RDH5: variants seen among roughly 807,000 people sequenced by gnomAD.
RDH5 encodes 11-cis RDH.
RDH5 carries 25 observed loss-of-function variants against 24.0 expected under a neutral mutation model. The ratio of observed to expected loss-of-function variants is 1.04; its 90% CI spans 0.76 to 1.46. The LOEUF (loss-of-function observed/expected upper bound fraction) is 1.46. RDH5 is among the 40% of genes most tolerant of loss of function. The pLI is 0.00. For missense variants in RDH5, 369 were observed against 410.3 expected, an observed-to-expected ratio of 0.90 and a Z score of 0.87; for synonymous variants, 170 against 175.2, an observed-to-expected ratio of 0.97 and a Z score of 0.23.
In RDH5 at chr12:55,724,664, T is replaced by A. The variant is rs1161669145; in HGVS notation, c.*119T>A. Reference sequence around the variant, plus strand: ...TAAGCACTAACAAAAGTGTATTGTTTAAAAAATAAAAAGAAGGTGGGCAGA... The same window carrying A: ...TAAGCACTAACAAAAGTGTATTGTTAAAAAAATAAAAAGAAGGTGGGCAGA... On this transcript the variant is annotated 3_prime_UTR_variant, in exon 5 of 5. Coordinates refer to ENST00000257895, the MANE Select transcript of RDH5 (RefSeq NM_002905.5). 3 of 979,004 alleles carry A rather than the reference T, an allele frequency of 3.1e-6. No individual in the cohort carries two copies. Among genetic ancestry groups the A allele is most frequent in the African/African-American group, 3.2e-5 (2 of 61,962 alleles). 60.6% of individuals were successfully genotyped at this position (979,004 alleles called of 1,614,324 possible).
rs62638187 is a variant in RDH5 at position 55,721,772 on chromosome 12, G to T, written c.394G>T (p.Val132Leu). ...PWLTRDDFQR[V>L]LNVNTMGPIG... The stretch of plus-strand genomic sequence containing the variant: ...GCTGACCCGGGACGATTTCCAGCGG[G>T]TGCTGAATGTGAACACAATGGGTCC... Residue 132 changes from valine (V) to leucine (L), a missense_variant, in exon 3 of 5, where the codon GTG becomes TTG. Transcript: ENST00000257895. The surrounding 1 kb of genome is among the most constrained non-coding windows in gnomAD (Gnocchi z 4.7). 4.3e-6 allele frequency: 7 copies of T among 1,614,024 alleles called. No individual in the cohort carries two copies. In the South Asian group the frequency reaches 6.6e-5, roughly 15 times the overall value.
rs776373862 is a variant in RDH5, at chr12:55,721,843, G to T, written c.465G>T (p.Arg155=). 1.2e-6 allele frequency: 2 copies of T among 1,614,094 alleles called. No homozygotes were observed. The change falls in exon 3 of 5, where the codon CGG becomes CGT. Residue 155 remains arginine (R), a synonymous_variant. Coordinates refer to ENST00000257895, the MANE Select transcript of RDH5 (RefSeq NM_002905.5). This position sits in a 1 kb window ranked among gnomAD's most constrained non-coding sequence, Gnocchi z 4.7. ...LALLPLLQQA[R]GRVINITSVL... ...TGCTGCCTCTGCTGCAGCAAGCCCG[G>T]GGCCGGGTGATCAACATCACCAGCG...
Position 55,721,529 on chromosome 12 carries a change from G to A in RDH5, c.310+35G>A. The A allele has an allele frequency of 6.2e-7, 1 of 1,600,428 alleles. No homozygotes were observed. Among genetic ancestry groups the A allele is most frequent in the South Asian group, 1.1e-5 (1 of 90,960 alleles). On this transcript the variant is annotated intron_variant, in intron 2 of 4. Coordinates refer to ENST00000257895, the MANE Select transcript of RDH5 (RefSeq NM_002905.5). The surrounding 1 kb of genome is among the most constrained non-coding windows in gnomAD (Gnocchi z 4.7). ...GTAGACCACCAGGAATATGGTGTGG[G>A]GTGTCCTGATCCCCACAGTCACCCC...
chr12:55,723,429 A>AT (rs1310025598), intron 3 of RDH5: 1 of 223,726 alleles, frequency 4.5e-6, no homozygotes, highest in East Asian at 1.2e-4. Flanking sequence ...ACCCTTCAAT[A>AT]TCCAGCACTC....
At position 55,721,669 on chromosome 12, in the gene RDH5, T is replaced by TC; in HGVS notation, c.311-18dup. 6.2e-7 allele frequency: 1 copy of TC among 1,606,916 alleles called. No individual in the cohort carries two copies. Among genetic ancestry groups the TC allele is most frequent in the Non-Finnish European group, 8.5e-7 (1 of 1,179,976 alleles). On this transcript the variant is annotated intron_variant, in intron 2 of 4. Coordinates refer to ENST00000257895, the MANE Select transcript of RDH5 (RefSeq NM_002905.5). The surrounding 1 kb of genome is among the most constrained non-coding windows in gnomAD (Gnocchi z 4.7). ...GGGAGTGCCTCACCTACCCCCAGCA[T>TC]CCTTTTCATCTCCCCACAGGGCTTT...
chr12:55,721,095 T>G lies in RDH5; in HGVS notation c.-32-58T>G. ...CAGATGCTTCCAGCTAGGGAGGGTA[T>G]TAGGGGAAAGGGCTTGAGGGCCACA... is the stretch of plus-strand genomic sequence containing the variant. On this transcript the variant is annotated intron_variant, in intron 1 of 4. Coordinates refer to ENST00000257895, the MANE Select transcript of RDH5 (RefSeq NM_002905.5). The surrounding 1 kb of genome is among the most constrained non-coding windows in gnomAD (Gnocchi z 4.7). 1 of 1,146,600 alleles carries G rather than the reference T, an allele frequency of 8.7e-7. No homozygotes were observed. Among genetic ancestry groups the G allele is most frequent in the Non-Finnish European group, 1.3e-6 (1 of 757,050 alleles). 71.0% of individuals were successfully genotyped at this position (1,146,600 alleles called of 1,614,324 possible).
chr12:55,721,144 C>T lies in RDH5; in HGVS notation c.-32-9C>T, dbSNP rs201563497. ...CAGTAAACTGGACAAGTTTTTCTGC[C>T]CAGCCTAGGCTGCCACCTGTAGGTC... On this transcript the variant is annotated splice_polypyrimidine_tract_variant and intron_variant, in intron 1 of 4. Coordinates refer to ENST00000257895, the MANE Select transcript of RDH5 (RefSeq NM_002905.5). The surrounding 1 kb of genome is among the most constrained non-coding windows in gnomAD (Gnocchi z 4.7). 1,396 of 1,602,212 alleles carry T rather than the reference C, an allele frequency of 8.7e-4. 11 individuals are homozygous for T. The African/African-American group carries it at 0.017, about 19-fold the overall frequency.
At chr12:55,723,225 C>T (rs1052425438) in intron 3 of RDH5, 6 of 152,328 alleles carry the variant, frequency 3.9e-5, no homozygotes, top group African/African-American at 1.5e-4. Context: ...GATGCTTCCG[C>T]CTGGGCCTCC....
chr12:55,723,801 C>T (rs1439131555), intron 3 of RDH5, 85 bp from the exon 4 acceptor site: 5 of 1,527,022 alleles, frequency 3.3e-6, no homozygotes, highest in Non-Finnish European at 4.5e-6. Flanking sequence ...TCTGTGGTAA[C>T]TTTCTCAGCT....
chr12:55,723,912 G>A lies in RDH5; in HGVS notation c.596G>A (p.Arg199Gln), dbSNP rs200846937. 2.5e-5 allele frequency: 41 copies of A among 1,614,070 alleles called. No homozygotes were observed. The East Asian group carries it at 6.5e-4, about 25-fold the overall frequency. The change falls in exon 4 of 5, where the codon CGA becomes CAA. Residue 199 changes from arginine (R) to glutamine (Q), a missense_variant. By Grantham distance (43) the Arg-to-Gln change is conservative (BLOSUM62 1). Transcript: ENST00000257895. ...LRRDVAHFGI[R>Q]VSIVEPGFFR... ...CGGGATGTAGCTCATTTTGGGATAC[G>A]AGTCTCCATCGTGGAGCCTGGCTTC... is the stretch of plus-strand genomic sequence containing the variant.
chr12:55,721,043 C>T lies in RDH5; in HGVS notation c.-32-110C>T, dbSNP rs968673371. On this transcript the variant is annotated intron_variant, in intron 1 of 4. Transcript: ENST00000257895. This position sits in a 1 kb window ranked among gnomAD's most constrained non-coding sequence, Gnocchi z 4.7. ...CCATGGTTGGCCAATTATCTGCCAA[C>T]CAGATAATTTCTCAATATGCTCACA... 11 of 754,876 alleles carry T rather than the reference C, an allele frequency of 1.5e-5. No homozygotes were observed. Among genetic ancestry groups the T allele is most frequent in the African/African-American group, 1.2e-4 (7 of 58,362 alleles). 46.8% of individuals were successfully genotyped at this position (754,876 alleles called of 1,614,324 possible). A position where few individuals can be genotyped will look rare whatever the true frequency, so the allele number is the denominator to read the frequency against.
Position 55,723,907 on chromosome 12 carries a change from GA to G in RDH5, c.592del (p.Ile198TyrfsTer15), listed in dbSNP as rs755766300. 10 of 1,614,034 alleles carry G rather than the reference GA, an allele frequency of 6.2e-6. No homozygotes were observed. Among genetic ancestry groups the G allele is most frequent in the Admixed American group, 1.7e-5 (1 of 60,024 alleles). On this transcript the variant is annotated frameshift_variant, in exon 4 of 5. Transcript: ENST00000257895. LOFTEE classifies it high-confidence loss of function. ...SLRRDVAHFG[I>X]RVSIVEPGFF... The stretch of plus-strand genomic sequence containing the variant: ...CTAGGCGGGATGTAGCTCATTTTGG[GA>G]TACGAGTCTCCATCGTGGAGCCTGG...
Position 55,724,386 on chromosome 12 carries a change from A to G in RDH5, c.798A>G (p.Arg266=), listed in dbSNP as rs1877098617. The part of the protein sequence containing the change: ...ICDPDLTKVS[R]CLEHALTARH... ...ACCCGGACCTAACCAAGGTGAGCCGATGCCTGGAGCATGCCCTGACTGCTC... is the reference window on the plus strand; with the variant it reads ...ACCCGGACCTAACCAAGGTGAGCCGGTGCCTGGAGCATGCCCTGACTGCTC... The change falls in exon 5 of 5, where the codon CGA becomes CGG. Residue 266 remains arginine, a synonymous_variant. Transcript: ENST00000257895. The G allele has an allele frequency of 1.9e-6, 3 of 1,614,198 alleles. No individual in the cohort carries two copies. Among genetic ancestry groups the G allele is most frequent in the Non-Finnish European group, 1.7e-6 (2 of 1,180,040 alleles).
chr12:55,723,618 G>A lies in RDH5; in HGVS notation c.570-268G>A, dbSNP rs544560462. On this transcript the variant is annotated intron_variant, in intron 3 of 4. Coordinates refer to ENST00000257895, the MANE Select transcript of RDH5 (RefSeq NM_002905.5). ...AGTACCTGATAATATCATTAATTTTGTTTCTTGGCCTGCCATGCTTAAAAT... is the reference window on the plus strand; with the variant it reads ...AGTACCTGATAATATCATTAATTTTATTTCTTGGCCTGCCATGCTTAAAAT... The A allele has an allele frequency of 4.3e-4, 201 of 469,648 alleles. 2 individuals are homozygous for A. Among genetic ancestry groups the A allele is most frequent in the South Asian group, 4.1e-3 (190 of 46,522 alleles). The allele number at this position is 469,648 out of a possible 1,614,324, so 29.1% of individuals were successfully genotyped here. A position where few individuals can be genotyped will look rare whatever the true frequency, so the allele number is the denominator to read the frequency against.
rs1239941012 is a variant in RDH5 at position 55,721,786 on chromosome 12, C to T, written c.408C>T (p.Asn136=). 11 of 1,614,066 alleles carry T rather than the reference C, an allele frequency of 6.8e-6. No homozygotes were observed. The South Asian group carries it at 7.7e-5, about 11-fold the overall frequency. ...ATTTCCAGCGGGTGCTGAATGTGAA[C>T]ACAATGGGTCCCATCGGGGTCACCC... is the stretch of plus-strand genomic sequence containing the variant. ...RDDFQRVLNV[N]TMGPIGVTLA... is the part of the protein sequence containing the mutation. Residue 136 remains asparagine, a synonymous_variant, in exon 3 of 5, where the codon AAC becomes AAT. Transcript: ENST00000257895. The surrounding 1 kb of genome is among the most constrained non-coding windows in gnomAD (Gnocchi z 4.7).
At chr12:55,722,010 G>C in intron 3 of RDH5, 63 bp downstream of exon 3, 1 of 1,555,612 alleles carries the variant, frequency 6.4e-7, no homozygotes. Context: ...ACGTGGGCCA[G>C]CAGAGGTGGT....
Position 55,724,478 on chromosome 12 carries a change from T to C in RDH5, c.890T>C (p.Leu297Pro), listed in dbSNP as rs745993927. ...CTGCTCTGGCTGCCTGCCTCCTACC[T>C]GCCAGCCAGCCTGGTGGATGCTGTG... ...AKLLWLPASY[L>P]PASLVDAVLT... is the part of the protein sequence containing the mutation. The change falls in exon 5 of 5, where the codon CTG becomes CCG. Residue 297 changes from leucine (L) to proline (P), a missense_variant. Transcript: ENST00000257895. The C allele has an allele frequency of 6.2e-7, 1 of 1,613,876 alleles. No homozygotes were observed. Among genetic ancestry groups the C allele is most frequent in the Admixed American group, 1.7e-5 (1 of 60,020 alleles).
chr12:55,721,325 G>C lies in RDH5; in HGVS notation c.141G>C (p.Gln47His), dbSNP rs780650676. The change falls in exon 2 of 5, where the codon CAG (glutamine) becomes CAC (histidine). Residue 47 changes from glutamine (Q) to histidine (H), a missense_variant. Gln to His is a conservative substitution (Grantham distance 24). Coordinates refer to ENST00000257895, the MANE Select transcript of RDH5 (RefSeq NM_002905.5). This position sits in a 1 kb window ranked among gnomAD's most constrained non-coding sequence, Gnocchi z 4.7. ...DSGFGRLLAL[Q>H]LDQRGFRVLA... ...GCTTTGGGCGCCTTCTGGCACTGCA[G>C]CTGGACCAGAGAGGCTTCCGAGTCC... is the stretch of plus-strand genomic sequence containing the variant. The C allele has an allele frequency of 6.2e-7, 1 of 1,614,106 alleles. No homozygotes were observed. The highest frequency in any genetic ancestry group is 1.1e-5 in the South Asian group (1 of 91,088).
In RDH5 at chr12:55,721,449, G is replaced by A. The variant is rs1136125; in HGVS notation, c.265G>A (p.Val89Ile). The A allele has an allele frequency of 2.5e-3, 4,024 of 1,612,738 alleles. 117 individuals are homozygous for A. The Admixed American group carries it at 0.054, about 22-fold the overall frequency. The change falls in exon 2 of 5, where the codon GTC becomes ATC. Residue 89 changes from valine (V) to isoleucine (I), a missense_variant. Physicochemically the swap from Val to Ile is conservative, Grantham distance 29. Coordinates refer to ENST00000257895, the MANE Select transcript of RDH5 (RefSeq NM_002905.5). The surrounding 1 kb of genome is among the most constrained non-coding windows in gnomAD (Gnocchi z 4.7). ...GTTGGATATCACTGATCCCCAGAGC[G>A]TCCAGCAGGCAGCCAAGTGGGTGGA... ...TLLDITDPQS[V>I]QQAAKWVEMH...
Sources: allele counts gnomAD v4.1 joint callset, GRCh38; gene constraint gnomAD v4.1.1; non-coding constraint Gnocchi (gnomAD v3.1); transcripts MANE v1.5; gene names NCBI Gene and HGNC (gene_info 2026-07-23, HGNC 2026-07-21).